NFKB1: variants seen among roughly 807,000 people sequenced by gnomAD.
NFKB1 encodes the protein nuclear factor kappa B subunit 1.
Under a neutral mutation model 105.1 loss-of-function variants are expected in NFKB1, and 9 were observed. That is an observed-to-expected ratio of 0.09 (90% confidence interval 0.05 to 0.15). The LOEUF (loss-of-function observed/expected upper bound fraction) is 0.15. NFKB1 is among the 10% of genes least tolerant of loss of function. The pLI is 1.00. For missense variants in NFKB1, 830 were observed against 1,203.7 expected, an observed-to-expected ratio of 0.69 and a Z score of 4.59; for synonymous variants, 440 against 442.2, an observed-to-expected ratio of 1.00 and a Z score of 0.06.
At chr4:102,513,334 A>C (rs901201566) in intron 1 of NFKB1, among the ~76,000 whole-genome samples, 21 of 152,260 alleles carry the variant, frequency 1.4e-4, no homozygotes, top group Non-Finnish European at 1.8e-4. Context: ...GAACTTCTCT[A>C]GCTCTACAAG....
chr4:102,607,123 G>A, intron 17 of NFKB1, 27 bp from the exon 18 acceptor site: 2 of 1,613,686 alleles, frequency 1.2e-6, no homozygotes, highest in South Asian at 1.1e-5. Flanking sequence ...ATCCCATCCT[G>A]TGACTGTCCC....
intron 5 of NFKB1, among the ~76,000 whole-genome samples, chr4:102,543,104 C>T (rs1264228990): frequency 2.0e-5 from 3 of 152,142 alleles, no homozygotes; most frequent in African/African-American, 7.2e-5. Flanking sequence ...TTGTCCCTGC[C>T]TGCTTTTGAC....
chr4:102,602,818 T>C (rs1338525762), intron 16 of NFKB1, among the ~76,000 whole-genome samples: 2 of 152,206 alleles, frequency 1.3e-5, no homozygotes, highest in African/African-American at 4.8e-5. Context: ...ATTTAAAGGA[T>C]GTCTTCTTGA....
intron 7 of NFKB1, among the ~76,000 whole-genome samples, chr4:102,577,363 A>T (rs930769137): frequency 6.6e-6 from 1 of 152,084 alleles, no homozygotes; most frequent in Non-Finnish European, 1.5e-5. Flanking sequence ...CCTTTACCAA[A>T]AACACCCCAC....
At chr4:102,517,091 G>C (rs776461758) in intron 1 of NFKB1, among the ~76,000 whole-genome samples, 89 of 152,250 alleles carry the variant, frequency 5.8e-4, no homozygotes, top group Non-Finnish European at 1.0e-3. Flanking sequence ...TCACAGCTTG[G>C]TATTTGGCCA....
chr4:102,554,620 C>A (rs553022723), intron 5 of NFKB1, among the ~76,000 whole-genome samples: 5 of 152,190 alleles, frequency 3.3e-5, no homozygotes, highest in Non-Finnish European at 7.4e-5. Flanking sequence ...GAAGCATAAA[C>A]TGACACTGTG....
rs1232456304 is a variant in NFKB1, at chr4:102,566,342, G to A, written c.259-645G>A. ...TTGTACTTAAGGAGTACACTTTTTT[G>A]AATTGAAGAAACTTACTATGACCTG... On this transcript the variant is annotated intron_variant, in intron 5 of 23. Coordinates refer to ENST00000226574, the MANE Select transcript of NFKB1 (RefSeq NM_003998.4). 5.3e-5 allele frequency among the ~76,000 whole-genome samples: 8 copies of A among 152,106 alleles called. No homozygotes were observed. The East Asian group carries it at 1.5e-3, about 29-fold the overall frequency.
chr4:102,559,828 A>G (rs925513182), intron 5 of NFKB1, among the ~76,000 whole-genome samples: 1 of 151,444 alleles, frequency 6.6e-6, no homozygotes, highest in Non-Finnish European at 1.5e-5. Flanking sequence ...AGTCCTAGCT[A>G]CCTAGGAGGC....
chr4:102,610,506 G>C, intron 19 of NFKB1, 69 bp from the exon 20 acceptor site: 1 of 1,562,276 alleles, frequency 6.4e-7, no homozygotes, highest in South Asian at 1.2e-5. Context: ...TTGGGAATCT[G>C]ACCTTTGCAG....
chr4:102,591,590 G>A (rs533046303), intron 11 of NFKB1, among the ~76,000 whole-genome samples: 26 of 152,170 alleles, frequency 1.7e-4, no homozygotes, highest in African/African-American at 6.3e-4. Context: ...CTGGATGACA[G>A]CACATCTGTC....
At position 102,538,879 on chromosome 4, in the gene NFKB1, T is replaced by A. The variant is rs532063346; in HGVS notation, c.258+923T>A. Among the ~76,000 whole-genome samples, 32 of 152,250 alleles carry A rather than the reference T, an allele frequency of 2.1e-4. 1 individual carries two copies. The South Asian group carries it at 6.4e-3, about 31-fold the overall frequency. Reference sequence around the variant, plus strand: ...GTGTAACATACTTTTGGACTCAGTCTTTTTATTGGTTTGTTTTTGTAAGTA... The same window carrying A: ...GTGTAACATACTTTTGGACTCAGTCATTTTATTGGTTTGTTTTTGTAAGTA... On this transcript the variant is annotated intron_variant, in intron 5 of 23. Coordinates refer to ENST00000226574, the MANE Select transcript of NFKB1 (RefSeq NM_003998.4).
In NFKB1 at chr4:102,555,304, A is replaced by G. The variant is rs191505332; in HGVS notation, c.259-11683A>G. 4.5e-3 allele frequency among the ~76,000 whole-genome samples: 682 copies of G among 152,272 alleles called. 4 individuals carry two copies. The highest frequency in any genetic ancestry group is 7.3e-3 in the Non-Finnish European group (495 of 68,020). On this transcript the variant is annotated intron_variant, in intron 5 of 23. Transcript: ENST00000226574. ...TCCTTTTTCAGTGTAGCCTGGAGAC[A>G]ATTATTTATTTATTCACTAGCTCTT...
intron 5 of NFKB1, among the ~76,000 whole-genome samples, chr4:102,555,562 G>A (rs1046002762): frequency 3.9e-5 from 6 of 152,178 alleles, no homozygotes; most frequent in Non-Finnish European, 7.3e-5. Flanking sequence ...CTAATGTAAA[G>A]ATAAATTTCT....
intron 6 of NFKB1, among the ~76,000 whole-genome samples, chr4:102,574,959 T>C (rs1724694153): frequency 6.6e-6 from 1 of 152,228 alleles, no homozygotes; most frequent in South Asian, 2.1e-4. Flanking sequence ...CAGATGTTTA[T>C]CATTGCTATT....
At chr4:102,539,137 T>G (rs569485116) in intron 5 of NFKB1, among the ~76,000 whole-genome samples, 1 of 148,554 alleles carries the variant, frequency 6.7e-6, no homozygotes, top group African/African-American at 2.5e-5. Context: ...GTCAGGAGGC[T>G]GAGGCACAAG....
At chr4:102,506,604 A>C (rs1739431523) in intron 1 of NFKB1, among the ~76,000 whole-genome samples, 1 of 152,192 alleles carries the variant, frequency 6.6e-6, no homozygotes, top group South Asian at 2.1e-4. Context: ...TTCTGAATTG[A>C]ACCATTTATT....
chr4:102,569,628 C>T (rs1478628324), intron 6 of NFKB1, among the ~76,000 whole-genome samples: 3 of 152,076 alleles, frequency 2.0e-5, no homozygotes, highest in Non-Finnish European at 4.4e-5. Context: ...ACTAATCCAA[C>T]ATACCAAAAA....
In NFKB1 at chr4:102,578,926, A is replaced by C; in HGVS notation, c.617A>C (p.Lys206Thr). ...CGCCAAGCAGCTCTGCAGCAGACCAAGGAGATGGACCTCAGCGTGGTGCGG... is the reference window on the plus strand; with the variant it reads ...CGCCAAGCAGCTCTGCAGCAGACCACGGAGATGGACCTCAGCGTGGTGCGG... ...LIRQAALQQT[K>T]EMDLSVVRLM... Residue 206 changes from lysine to threonine, a missense_variant, in exon 8 of 24, where the codon AAG becomes ACG. Lys to Thr is a moderately conservative substitution (Grantham distance 78). Around this residue, in one of 8 missense-constraint regions of NFKB1, gnomAD observed 80 missense variants for 122.6 expected, o/e 0.65. Transcript: ENST00000226574. 6.2e-7 allele frequency: 1 copy of C among 1,614,132 alleles called. No individual in the cohort carries two copies. Among genetic ancestry groups the C allele is most frequent in the African/African-American group, 1.3e-5 (1 of 75,038 alleles).
intron 5 of NFKB1, among the ~76,000 whole-genome samples, chr4:102,542,912 A>G (rs1308195247): frequency 6.6e-6 from 1 of 152,242 alleles, no homozygotes; most frequent in African/African-American, 2.4e-5. Context: ...GGAAGTAAGT[A>G]TGCAGACTAA....
Sources: allele counts gnomAD v4.1 joint callset (sites outside exome capture counted in the v4.1 genomes callset), GRCh38; gene constraint gnomAD v4.1.1; regional missense constraint gnomAD v4.1.1; transcripts MANE v1.5; gene names NCBI Gene and HGNC (gene_info 2026-07-23, HGNC 2026-07-21).